The following TUBA3C variants were observed in gnomAD, a reference collection of about 807,000 sequenced individuals.
TUBA3C encodes the protein tubulin alpha-3C chain.
In TUBA3C, 23 loss-of-function variants were observed where a neutral mutation model predicts 33.4. That is an observed-to-expected ratio of 0.69 (90% confidence interval 0.50 to 0.98). TUBA3C has a LOEUF of 0.98. TUBA3C is among the 50% of genes least tolerant of loss of function. The pLI, the probability that TUBA3C is intolerant of heterozygous loss-of-function variation, is 0.00. For synonymous variants in TUBA3C, 269 were observed against 250.4 expected, an observed-to-expected ratio of 1.07 and a Z score of -0.70; for missense variants, 402 against 616.0, an observed-to-expected ratio of 0.65 and a Z score of 3.68.
chr13:19,175,132 G>A (rs959954462), intron 4 of TUBA3C, among the ~76,000 whole-genome samples: 6 of 152,066 alleles, frequency 3.9e-5, no homozygotes, highest in Non-Finnish European at 7.4e-5. Flanking sequence ...GGCGCCTGTA[G>A]TCCCAGCTAC....
chr13:19,181,223 C>T (rs1190854926), intron 1 of TUBA3C, among the ~76,000 whole-genome samples: 1 of 151,796 alleles, frequency 6.6e-6, no homozygotes, highest in African/African-American at 2.4e-5. Context: ...GGGAATTTTT[C>T]TATTTTTAGT....
At chr13:19,178,590 CTG>C (rs945400805) in intron 2 of TUBA3C, among the ~76,000 whole-genome samples, 196 bp from the exon 3 acceptor site, 6 of 152,152 alleles carry the variant, frequency 3.9e-5, no homozygotes, top group African/African-American at 1.4e-4. Flanking sequence ...GATAACCAAA[CTG>C]TGATTTATGA....
At chr13:19,179,304 TC>T (rs2138958003) in intron 2 of TUBA3C, 36 bp downstream of exon 2, 9 of 1,612,260 alleles carry the variant, frequency 5.6e-6, no homozygotes, top group Non-Finnish European at 6.8e-6. Context: ...TCTCCCACCC[TC>T]CTAAGAAAGC....
chr13:19,181,663 C>T, intron 1 of TUBA3C, 82 bp downstream of exon 1: 1 of 1,588,398 alleles, frequency 6.3e-7, no homozygotes, highest in Non-Finnish European at 8.5e-7. Flanking sequence ...CAACAGCATC[C>T]CTCCATCCAG....
At position 19,177,326 on chromosome 13, in the gene TUBA3C, G is replaced by A. The variant is rs764652416; in HGVS notation, c.657C>T (p.Ile219=). 65 of 1,614,094 alleles carry A rather than the reference G, an allele frequency of 4.0e-5. No individual in the cohort carries two copies. In the Middle Eastern group the frequency reaches 5.0e-4, roughly 12 times the overall value. The change falls in exon 4 of 5, where the codon ATC becomes ATT. Residue 219 remains isoleucine (I), a synonymous_variant. Transcript: ENST00000400113. The surrounding 1 kb of genome is among the most constrained non-coding windows in gnomAD (Gnocchi z 5.0). ...TGAGGTTGGTGTACGTGGGACGCTC[G>A]ATGTCCAGGTTGCGCCGACATATGT... is the stretch of plus-strand genomic sequence containing the variant. The part of the protein sequence containing the change: ...IYDICRRNLD[I]ERPTYTNLNR...
chr13:19,176,401 AAAGT>A (rs980098926), intron 4 of TUBA3C, among the ~76,000 whole-genome samples: 6 of 151,838 alleles, frequency 4.0e-5, no homozygotes, highest in African/African-American at 1.2e-4. Flanking sequence ...TCTCAACAAC[AAAGT>A]AAGTAAGTAA....
chr13:19,174,409 C>T (rs1869111419), intron 4 of TUBA3C, among the ~76,000 whole-genome samples: 1 of 151,474 alleles, frequency 6.6e-6, no homozygotes, highest in Non-Finnish European at 1.5e-5. Flanking sequence ...GCTAGGATTA[C>T]AGTCATGAGG....
chr13:19,175,252 A>G (rs1869138633), intron 4 of TUBA3C, among the ~76,000 whole-genome samples: 1 of 152,096 alleles, frequency 6.6e-6, no homozygotes, highest in South Asian at 2.1e-4. Flanking sequence ...ACTCCGTCTC[A>G]AAAACAAAAC....
rs371694776 is a variant in TUBA3C, at chr13:19,178,474, C to T, written c.227-80G>A. ...GGACACATTCCAGGACTGTTCACTT[C>T]TACAAAGTACATGCTGTTCAAAGTA... On this transcript the variant is annotated intron_variant, in intron 2 of 4. Transcript: ENST00000400113. 64 of 1,560,004 alleles carry T rather than the reference C, an allele frequency of 4.1e-5. No homozygotes were observed. The South Asian group carries it at 6.1e-4, about 15-fold the overall frequency.
At chr13:19,176,088 C>G (rs1198022469) in intron 4 of TUBA3C, among the ~76,000 whole-genome samples, 1 of 152,188 alleles carries the variant, frequency 6.6e-6, no homozygotes, top group Non-Finnish European at 1.5e-5. Flanking sequence ...ACACTGCACT[C>G]CAGCCTGGGT....
rs1315122006 is a variant in TUBA3C at position 19,181,798 on chromosome 13, C to A, written c.-51G>T. 2 of 1,598,002 alleles carry A rather than the reference C, an allele frequency of 1.3e-6. No homozygotes were observed. Among genetic ancestry groups the A allele is most frequent in the South Asian group, 1.1e-5 (1 of 90,672 alleles). ...CAACGCTACTACTTGACCTCAACCG[C>A]CGCTGCAGCTGCGCACGCCCAACGA... On this transcript the variant is annotated 5_prime_UTR_variant, in exon 1 of 5. Coordinates refer to ENST00000400113, the MANE Select transcript of TUBA3C (RefSeq NM_006001.3).
chr13:19,176,742 A>AAAAAAAAAAC (rs1869193817), intron 4 of TUBA3C, among the ~76,000 whole-genome samples, 185 bp downstream of exon 4: 1 of 128,302 alleles, frequency 7.8e-6, no homozygotes, highest in Non-Finnish European at 1.6e-5. Flanking sequence ...AAAAAAAAAA[A>AAAAAAAAAAC]AAAAAAAAAA....
At chr13:19,181,448 C>T (rs1386456621) in intron 1 of TUBA3C, among the ~76,000 whole-genome samples, 1 of 152,182 alleles carries the variant, frequency 6.6e-6, no homozygotes, top group African/African-American at 2.4e-5. Context: ...CTTCTGTCTT[C>T]AGGAGGCGGC....
At position 19,177,314 on chromosome 13, in the gene TUBA3C, C is replaced by T. The variant is rs765596366; in HGVS notation, c.669G>A (p.Thr223=). 2.7e-5 allele frequency: 43 copies of T among 1,614,042 alleles called. No homozygotes were observed. Among genetic ancestry groups the T allele is most frequent in the Non-Finnish European group, 3.5e-5 (41 of 1,180,010 alleles). The change falls in exon 4 of 5, where the codon ACG becomes ACA. Residue 223 remains threonine (T), a synonymous_variant. Transcript: ENST00000400113. This position sits in a 1 kb window ranked among gnomAD's most constrained non-coding sequence, Gnocchi z 5.0. ...CAATCAGGCGATTGAGGTTGGTGTA[C>T]GTGGGACGCTCGATGTCCAGGTTGC... ...CRRNLDIERP[T]YTNLNRLIGQ... is the part of the protein sequence containing the mutation.
At chr13:19,178,795 C>CA (rs1869294478) in intron 2 of TUBA3C, among the ~76,000 whole-genome samples, 1 of 152,156 alleles carries the variant, frequency 6.6e-6, no homozygotes, top group Admixed American at 6.5e-5. Context: ...GTGACTTCTG[C>CA]AGGGCAGTCC....
At chr13:19,174,872 G>A (rs1230764057) in intron 4 of TUBA3C, among the ~76,000 whole-genome samples, 4 of 152,078 alleles carry the variant, frequency 2.6e-5, no homozygotes, top group Admixed American at 6.6e-5. Context: ...TGAGGTGGGA[G>A]GATTGCTTGA....
rs532527561 is a variant in TUBA3C at position 19,177,200 on chromosome 13, C to T, written c.783G>A (p.Pro261=). The T allele has an allele frequency of 2.4e-5, 39 of 1,613,988 alleles. No homozygotes were observed. Among genetic ancestry groups the T allele is most frequent in the Admixed American group, 1.0e-4 (6 of 59,994 alleles). The change falls in exon 4 of 5, where the codon CCG becomes CCA. Residue 261 remains proline, a synonymous_variant. Transcript: ENST00000400113. This position sits in a 1 kb window ranked among gnomAD's most constrained non-coding sequence, Gnocchi z 5.0. ...DLTEFQTNLV[P]YPRIHFPLAT... Reference sequence around the variant, plus strand: ...CCAGGGGGAAGTGGATGCGGGGGTACGGCACTAGGTTGGTCTGGAATTCCG... The same window carrying T: ...CCAGGGGGAAGTGGATGCGGGGGTATGGCACTAGGTTGGTCTGGAATTCCG...
At chr13:19,178,884 G>T (rs953813625) in intron 2 of TUBA3C, among the ~76,000 whole-genome samples, 1 of 152,190 alleles carries the variant, frequency 6.6e-6, no homozygotes, top group African/African-American at 2.4e-5. Context: ...ACTGAAAGGG[G>T]CTGTCTCTTT....
intron 1 of TUBA3C, 92 bp downstream of exon 1, chr13:19,181,653 C>A (rs767463324): frequency 1.2e-5 from 19 of 1,577,500 alleles, no homozygotes; most frequent in Middle Eastern, 3.3e-4. Flanking sequence ...CCCTGGCCCG[C>A]AACAGCATCC....
Sources: gnomAD v4.1 joint callset for allele counts (sites outside exome capture counted in the v4.1 genomes callset) on GRCh38, gnomAD v4.1.1 for gene constraint, Gnocchi (gnomAD v3.1) non-coding constraint, MANE v1.5 for transcripts, NCBI Gene and HGNC (gene_info 2026-07-23, HGNC 2026-07-21) for gene names.